Variants in ACOT7 observed in about 807,000 individuals in gnomAD.
ACOT7 encodes the protein acyl-CoA thioesterase 7, also known as cytosolic acyl coenzyme A thioester hydrolase.
Under a neutral mutation model 40.2 loss-of-function variants are expected in ACOT7, and 12 were observed. The observed-to-expected ratio is 0.30, with a 90% CI of 0.19 to 0.48. The LOEUF (loss-of-function observed/expected upper bound fraction) is 0.48. ACOT7 is among the 20% of genes least tolerant of loss of function. ACOT7 has a pLI of 0.99. For synonymous variants in ACOT7, 228 were observed against 219.5 expected (o/e 1.04, Z -0.34); for missense variants, 395 against 530.8 (o/e 0.74, Z 2.51).
At chr1:6,369,287 T>C (rs1291196677) in intron 1 of ACOT7, among the ~76,000 whole-genome samples, 1 of 152,124 alleles carries the variant, frequency 6.6e-6, no homozygotes, top group Non-Finnish European at 1.5e-5. Flanking sequence ...GGTCTATAAA[T>C]ATTCTTAATG....
chr1:6,332,530 C>G (rs904075029), intron 4 of ACOT7, among the ~76,000 whole-genome samples: 1 of 152,220 alleles, frequency 6.6e-6, no homozygotes, highest in Non-Finnish European at 1.5e-5. Context: ...ATGAAAGGTG[C>G]TTCTGCCGGG....
rs1639154194 is a variant in ACOT7 at position 6,275,226 on chromosome 1, C to T, written c.1014+5876G>A. ...GGAGACAGGCAGCAGCCTCTGCATC[C>T]AGCTGCCCTGGCTTCCTAACCAGAA... On this transcript the variant is annotated intron_variant, in intron 8 of 8. Transcript: ENST00000361521. The surrounding 1 kb of genome is among the most constrained non-coding windows in gnomAD (Gnocchi z 5.6). Among the ~76,000 whole-genome samples, 1 of 152,244 alleles carries T rather than the reference C, an allele frequency of 6.6e-6. No individual in the cohort carries two copies. The highest frequency in any genetic ancestry group is 2.4e-5 in the African/African-American group (1 of 41,466).
Position 6,281,306 on chromosome 1 carries a change from G to A in ACOT7, c.830-20C>T. 1 of 1,594,926 alleles carries A rather than the reference G, an allele frequency of 6.3e-7. No homozygotes were observed. The highest frequency in any genetic ancestry group is 8.5e-7 in the Non-Finnish European group (1 of 1,176,522). ...CGCAGCCTGTGGAGAAGGGAGGGCG[G>A]GGGTCAGGGCGGCCTCCACCCCACG... On this transcript the variant is annotated intron_variant, in intron 7 of 8. Transcript: ENST00000361521.
intron 8 of ACOT7, among the ~76,000 whole-genome samples, chr1:6,269,762 A>C (rs1638971505): frequency 6.6e-6 from 1 of 152,250 alleles, no homozygotes; most frequent in Non-Finnish European, 1.5e-5. Flanking sequence ...TGAGGGCCCC[A>C]CTGCTCTTCC....
At chr1:6,283,084 C>A (rs539220169) in intron 7 of ACOT7, among the ~76,000 whole-genome samples, 67 of 152,358 alleles carry the variant, frequency 4.4e-4, no homozygotes, top group African/African-American at 1.2e-3. Flanking sequence ...ACACGGGGGC[C>A]ACCCATGAGC....
chr1:6,297,573 A>T (rs1465788816), intron 6 of ACOT7, among the ~76,000 whole-genome samples: 1 of 152,166 alleles, frequency 6.6e-6, no homozygotes, highest in African/African-American at 2.4e-5. Flanking sequence ...ATTCTTCAAG[A>T]AACACATCCA....
rs556058285 is a variant in ACOT7 at position 6,355,749 on chromosome 1, G to C, written c.144-5883C>G. Among the ~76,000 whole-genome samples the C allele has an allele frequency of 6.6e-6, 1 of 152,182 alleles. No homozygotes were observed. On this transcript the variant is annotated intron_variant, in intron 1 of 8. Coordinates refer to ENST00000361521, the MANE Select transcript of ACOT7 (RefSeq NM_007274.4). The surrounding 1 kb of genome is among the most constrained non-coding windows in gnomAD (Gnocchi z 5.0). ...CTCAGATCTCATCACACCAGAGGCC[G>C]GCCAGCACTCATCCCAAGAGCGCCT...
chr1:6,295,044 G>C (rs933556957), intron 6 of ACOT7, 64 bp from the exon 7 acceptor site: 5 of 1,339,402 alleles, frequency 3.7e-6, no homozygotes, highest in Non-Finnish European at 5.3e-6. Flanking sequence ...TCACACCCTG[G>C]AAACAAGTTA....
chr1:6,281,042 C>A, intron 8 of ACOT7, 60 bp downstream of exon 8: 1 of 1,570,342 alleles, frequency 6.4e-7, no homozygotes, highest in Non-Finnish European at 8.6e-7. Flanking sequence ...GAGGCCCAAA[C>A]ACAGGGACCC....
rs533747177 is a variant in ACOT7, at chr1:6,339,248, C to T, written c.418+185G>A. 3.0e-4 allele frequency among the ~76,000 whole-genome samples: 46 copies of T among 152,346 alleles called. No homozygotes were observed. In the South Asian group the frequency reaches 9.3e-3, roughly 31 times the overall value. On this transcript the variant is annotated intron_variant, in intron 3 of 8. Coordinates refer to ENST00000361521, the MANE Select transcript of ACOT7 (RefSeq NM_007274.4). ...AACTCGTTTCCTAACCCCTCTGTGC[C>T]CCTTTCCTGTCTGCAAAATCAGGGC...
Position 6,306,609 on chromosome 1 carries a change from A to T in ACOT7, c.713-11629T>A. ...AAGATCCTAGAAGGCGAGTACTAGA[A>T]GGAATTTAACTGCAGCCTGTGCCAC... On this transcript the variant is annotated intron_variant, in intron 6 of 8. Transcript: ENST00000361521. This position sits in a 1 kb window ranked among gnomAD's most constrained non-coding sequence, Gnocchi z 4.3. 1.0e-6 allele frequency: 1 copy of T among 985,422 alleles called. No individual in the cohort carries two copies. The highest frequency in any genetic ancestry group is 1.2e-6 in the Non-Finnish European group (1 of 829,904). The allele number at this position is 985,422 out of a possible 1,614,324, so 61.0% of individuals were successfully genotyped here.
rs1638762813 is a variant in ACOT7 at position 6,264,676 on chromosome 1, T to C, written c.1034A>G (p.Lys345Arg). The C allele has an allele frequency of 6.2e-7, 1 of 1,613,362 alleles. No homozygotes were observed. The highest frequency in any genetic ancestry group is 1.1e-5 in the South Asian group (1 of 91,078). Residue 345 changes from lysine to arginine, a missense_variant, in exon 9 of 9, where the codon AAG becomes AGG. By Grantham distance (26) the Lys-to-Arg change is conservative. Coordinates refer to ENST00000361521, the MANE Select transcript of ACOT7 (RefSeq NM_007274.4). ...PQLVPETEDE[K>R]KRFEEGKGRY... ...CCCTTTGCCTTCCTCAAAGCGCTTC[T>C]TCTCGTCCTCGGTCTCGGGCTGTGG...
chr1:6,369,962 T>C (rs1642097289), intron 1 of ACOT7, among the ~76,000 whole-genome samples: 1 of 152,206 alleles, frequency 6.6e-6, no homozygotes, highest in African/African-American at 2.4e-5. Flanking sequence ...TTATCCACTA[T>C]GGTTTGGATA....
At chr1:6,369,492 C>T (rs890081264) in intron 1 of ACOT7, among the ~76,000 whole-genome samples, 7 of 150,944 alleles carry the variant, frequency 4.6e-5, no homozygotes, top group African/African-American at 1.7e-4. Flanking sequence ...CTGCAACCTC[C>T]ACCTCCTGGG....
intron 1 of ACOT7, among the ~76,000 whole-genome samples, chr1:6,381,461 C>A (rs763285655): frequency 3.3e-5 from 5 of 151,500 alleles, no homozygotes; most frequent in Non-Finnish European, 5.9e-5. Flanking sequence ...TAGGGAAATG[C>A]AAAGCAAAAC....
At chr1:6,315,113 C>T (rs1034012568) in intron 6 of ACOT7, among the ~76,000 whole-genome samples, 6 of 152,194 alleles carry the variant, frequency 3.9e-5, no homozygotes, top group Admixed American at 3.3e-4. Flanking sequence ...AGAGCTCCTC[C>T]CTTTCCAAGA....
intron 1 of ACOT7, among the ~76,000 whole-genome samples, chr1:6,372,896 T>C (rs1474941272): frequency 6.6e-6 from 1 of 152,156 alleles, no homozygotes; most frequent in South Asian, 2.1e-4. Context: ...TCTCCTTCAC[T>C]GGAACACTAG....
chr1:6,337,607 G>A (rs950392573), intron 3 of ACOT7, among the ~76,000 whole-genome samples: 24 of 152,276 alleles, frequency 1.6e-4, no homozygotes, highest in East Asian at 5.8e-4. Flanking sequence ...ACTCTCTGCT[G>A]TGGGGACAGC....
intron 1 of ACOT7, among the ~76,000 whole-genome samples, chr1:6,370,539 G>A (rs1642111197): frequency 6.7e-6 from 1 of 150,140 alleles, no homozygotes; most frequent in African/African-American, 2.4e-5. Context: ...ACCTGGCCTG[G>A]AGTGCAGTGG....
Sources: gnomAD v4.1 joint callset for allele counts (sites outside exome capture counted in the v4.1 genomes callset) on GRCh38, gnomAD v4.1.1 for gene constraint, Gnocchi (gnomAD v3.1) non-coding constraint, MANE v1.5 for transcripts, NCBI Gene and HGNC (gene_info 2026-07-23, HGNC 2026-07-21) for gene names.